The following PALM variants were observed in gnomAD, a reference collection of about 807,000 sequenced individuals.
PALM encodes the protein paralemmin.
In PALM, 18 loss-of-function variants were observed where a neutral mutation model predicts 30.7. The observed-to-expected ratio is 0.59, with a 90% confidence interval of 0.41 to 0.87. The LOEUF is 0.87. PALM is among the 40% of genes least tolerant of loss of function. The probability of loss-of-function intolerance (pLI) is 0.00; values close to 1 mark genes in which losing one functional copy is unlikely to be tolerated. For missense variants in PALM, 529 were observed against 555.4 expected, an observed-to-expected ratio of 0.95 and a Z score of 0.48; for synonymous variants, 286 against 242.8, an observed-to-expected ratio of 1.18 and a Z score of -1.66.
intron 7 of PALM, among the ~76,000 whole-genome samples, 159 bp from the exon 8 acceptor site, chr19:740,193 G>A (rs2033144441): frequency 6.6e-6 from 1 of 152,226 alleles, no homozygotes; most frequent in Middle Eastern, 3.2e-3. Flanking sequence ...GAGTTGGGGA[G>A]GGCCGCGTCG....
chr19:734,155 C>T lies in PALM; in HGVS notation c.421-18C>T. 6.2e-7 allele frequency: 1 copy of T among 1,613,764 alleles called. No individual in the cohort carries two copies. The highest frequency in any genetic ancestry group is 8.5e-7 in the Non-Finnish European group (1 of 1,179,868). ...GGGGATGCTGACGCCCCTGACCCTT[C>T]TCTCTTCTTTCTTGCAGACGCCGGT... On this transcript the variant is annotated intron_variant, in intron 5 of 8. Coordinates refer to ENST00000338448, the MANE Select transcript of PALM (RefSeq NM_002579.3).
rs984951502 is a variant in PALM at position 709,677 on chromosome 19, C to G, written c.5+526C>G. Among the ~76,000 whole-genome samples the G allele has an allele frequency of 6.6e-6, 1 of 152,176 alleles. No homozygotes were observed. The highest frequency in any genetic ancestry group is 2.4e-5 in the African/African-American group (1 of 41,456). ...GGGCCTCCAGGGGTGTCCTGAGCCC[C>G]CCGCCACTGCGCAGGTCCCGAGTTA... On this transcript the variant is annotated intron_variant, in intron 1 of 8. Coordinates refer to ENST00000338448, the MANE Select transcript of PALM (RefSeq NM_002579.3). This position sits in a 1 kb window ranked among gnomAD's most constrained non-coding sequence, Gnocchi z 4.3.
chr19:719,463 C>T, intron 1 of PALM: 1 of 985,274 alleles, frequency 1.0e-6, no homozygotes, highest in South Asian at 4.7e-5. Flanking sequence ...CCTGTGCGCG[C>T]CGGGGTGGGC....
intron 1 of PALM, among the ~76,000 whole-genome samples, chr19:711,487 T>TC (rs1457615194): frequency 5.9e-5 from 9 of 152,172 alleles, no homozygotes; most frequent in African/African-American, 1.9e-4. Flanking sequence ...TAGGAAAGTC[T>TC]CCGTTGGGTG....
intron 4 of PALM, among the ~76,000 whole-genome samples, chr19:730,529 T>C (rs527386294): frequency 2.0e-5 from 3 of 152,272 alleles, no homozygotes; most frequent in African/African-American, 7.2e-5. Context: ...GAGAGTTCAT[T>C]TGATACAGAC....
In PALM at chr19:746,541, G is replaced by C. The variant is rs140781313; in HGVS notation, c.891G>C (p.Pro297=). The C allele has an allele frequency of 1.9e-6, 3 of 1,613,016 alleles. No homozygotes were observed. The highest frequency in any genetic ancestry group is 1.3e-5 in the African/African-American group (1 of 74,884). The change falls in exon 9 of 9, where the codon CCG becomes CCC. Residue 297 remains proline (P), a synonymous_variant. Coordinates refer to ENST00000338448, the MANE Select transcript of PALM (RefSeq NM_002579.3). The surrounding 1 kb of genome is among the most constrained non-coding windows in gnomAD (Gnocchi z 7.1). ...PPGIQPGQEP[P]VTMIFMGYQN... Reference sequence around the variant, plus strand: ...GGATCCAGCCCGGCCAGGAGCCCCCGGTCACAATGATCTTCATGGGTTACC... The same window carrying C: ...GGATCCAGCCCGGCCAGGAGCCCCCCGTCACAATGATCTTCATGGGTTACC...
rs370105974 is a variant in PALM, at chr19:740,763, C to T, written c.634+280C>T. 4.3e-4 allele frequency among the ~76,000 whole-genome samples: 65 copies of T among 152,300 alleles called. No individual in the cohort carries two copies. In the East Asian group the frequency reaches 4.4e-3, roughly 10 times the overall value. ...CCCAGCTGGGCTCTGGAGGGAAATCCGGAGGTAGATTCAGCTTCTGTCCTT... is the reference window on the plus strand; with the variant it reads ...CCCAGCTGGGCTCTGGAGGGAAATCTGGAGGTAGATTCAGCTTCTGTCCTT... On this transcript the variant is annotated intron_variant, in intron 8 of 8. Coordinates refer to ENST00000338448, the MANE Select transcript of PALM (RefSeq NM_002579.3).
intron 7 of PALM, among the ~76,000 whole-genome samples, chr19:737,497 G>A (rs568314076): frequency 3.9e-5 from 6 of 152,330 alleles, no homozygotes; most frequent in East Asian, 1.9e-4. Context: ...CCTCTACTAC[G>A]GTAGAAAAGT....
chr19:720,345 G>A (rs940600722), intron 1 of PALM, among the ~76,000 whole-genome samples: 3 of 148,792 alleles, frequency 2.0e-5, no homozygotes, highest in Admixed American at 2.0e-4. Flanking sequence ...CATCCTGCGT[G>A]TCCTGGGGAA....
At chr19:735,416 G>C (rs1336831490) in intron 6 of PALM, among the ~76,000 whole-genome samples, 11 of 129,144 alleles carry the variant, frequency 8.5e-5, no homozygotes, top group African/African-American at 3.5e-4. Flanking sequence ...TCCTGTGTCC[G>C]GGTGTCTGGA....
At chr19:736,342 C>T (rs1427511953) in intron 7 of PALM, among the ~76,000 whole-genome samples, 3 of 152,198 alleles carry the variant, frequency 2.0e-5, no homozygotes, top group Non-Finnish European at 2.9e-5. Context: ...CTAACCGACG[C>T]GACCTCACGG....
At chr19:710,656 C>T (rs535009405) in intron 1 of PALM, among the ~76,000 whole-genome samples, 21 of 91,390 alleles carry the variant, frequency 2.3e-4, no homozygotes, top group Admixed American at 1.9e-3. Flanking sequence ...CTGCTGCCCC[C>T]CCCCCACCCC....
chr19:734,196 TAGGACCTCTGGA>T lies in PALM; in HGVS notation c.442+7_442+18del, dbSNP rs1278112703. ...AGACGCCGGTGGGCACGCCCAAAGG[TAGGACCTCTGGA>T]AGGAACTCGTGGGGCCTCGGCGCAC... On this transcript the variant is annotated splice_donor_5th_base_variant and intron_variant, in intron 6 of 8. Coordinates refer to ENST00000338448, the MANE Select transcript of PALM (RefSeq NM_002579.3). The T allele has an allele frequency of 1.2e-5, 19 of 1,613,638 alleles. No homozygotes were observed. The highest frequency in any genetic ancestry group is 1.4e-5 in the Non-Finnish European group (17 of 1,179,818).
rs1326925514 is a variant in PALM, at chr19:709,100, C to T, written c.-47C>T. ...TCCCCTCCCCCGCGCGCCACCCGCG[C>T]CCGCCCCCGCCCGGCACCGCGGACC... On this transcript the variant is annotated 5_prime_UTR_variant, in exon 1 of 9. Transcript: ENST00000338448. This position sits in a 1 kb window ranked among gnomAD's most constrained non-coding sequence, Gnocchi z 4.3. The T allele has an allele frequency of 1.0e-5, 3 of 286,914 alleles. No individual in the cohort carries two copies. Among genetic ancestry groups the T allele is most frequent in the Non-Finnish European group, 1.9e-5 (3 of 154,826 alleles). 17.8% of individuals were successfully genotyped at this position (286,914 alleles called of 1,614,324 possible).
chr19:715,766 G>A (rs575709381), intron 1 of PALM, among the ~76,000 whole-genome samples: 50 of 152,266 alleles, frequency 3.3e-4, no homozygotes, highest in African/African-American at 1.1e-3. Context: ...GATTGTGGCT[G>A]CAGGGGCAGC....
intron 5 of PALM, among the ~76,000 whole-genome samples, chr19:733,802 C>A (rs1163211683): frequency 6.6e-6 from 1 of 152,106 alleles, no homozygotes; most frequent in East Asian, 1.9e-4. Context: ...GCCTGGCCAA[C>A]ATGGAGAAAC....
In PALM at chr19:746,370, C is replaced by T. The variant is rs142498012; in HGVS notation, c.720C>T (p.Asp240=). Residue 240 remains aspartate, a synonymous_variant, in exon 9 of 9, where the codon GAC becomes GAT. Coordinates refer to ENST00000338448, the MANE Select transcript of PALM (RefSeq NM_002579.3). The surrounding 1 kb of genome is among the most constrained non-coding windows in gnomAD (Gnocchi z 7.1). The part of the protein sequence containing the change: ...SEVDELIHKA[D]EVTLSEAGST... ...TGGACGAACTCATCCACAAAGCGGA[C>T]GAGGTCACGCTGAGCGAGGCAGGGT... 97 of 1,613,010 alleles carry T rather than the reference C, an allele frequency of 6.0e-5. No homozygotes were observed. In the African/African-American group the frequency reaches 8.9e-4, roughly 15 times the overall value.
chr19:727,521 C>G, intron 3 of PALM, 43 bp from the exon 4 acceptor site: 1 of 1,509,458 alleles, frequency 6.6e-7, no homozygotes, highest in Non-Finnish European at 9.1e-7. Flanking sequence ...TAACCCTGGC[C>G]CTGGTCCTGC....
intron 5 of PALM, among the ~76,000 whole-genome samples, chr19:732,205 A>G (rs537718681): frequency 5.1e-4 from 78 of 152,254 alleles, no homozygotes; most frequent in Non-Finnish European, 9.3e-4. Context: ...CATGGTTTCT[A>G]TCGATCACCT....
Sources: allele counts gnomAD v4.1 joint callset (sites outside exome capture counted in the v4.1 genomes callset), GRCh38; gene constraint gnomAD v4.1.1; non-coding constraint Gnocchi (gnomAD v3.1); transcripts MANE v1.5; gene names NCBI Gene and HGNC (gene_info 2026-07-23, HGNC 2026-07-21).